The following SAMMSON variants were observed in gnomAD, a reference collection of about 807,000 sequenced individuals.
The protein encoded by SAMMSON is long intergenic non-protein coding RNA 1212.
rs534136299 is a variant in SAMMSON, at chr3:70,190,977, C to T, written n.508-58130C>T. ...TTTCAGGGACTGGCCCCTAGTATTG[C>T]CAACTACACAGCAGTAATTGGACAC... On this transcript the variant is annotated intron_variant and non_coding_transcript_variant, in intron 4 of 9. Coordinates refer to ENST00000642114, the Ensembl canonical transcript of SAMMSON. Among the ~76,000 whole-genome samples the T allele has an allele frequency of 2.0e-5, 3 of 152,298 alleles. No homozygotes were observed. The South Asian group carries it at 6.2e-4, about 32-fold the overall frequency.
intron 3 of SAMMSON, among the ~76,000 whole-genome samples, chr3:70,055,283 A>C (rs1057487391): frequency 6.6e-6 from 1 of 152,150 alleles, no homozygotes; most frequent in African/African-American, 2.4e-5. Context: ...ATAATAAAGA[A>C]TTTTAAAAAA....
At chr3:70,023,477 T>A (rs2067024319) in intron 3 of SAMMSON, among the ~76,000 whole-genome samples, 1 of 151,860 alleles carries the variant, frequency 6.6e-6, no homozygotes, top group African/African-American at 2.4e-5. Flanking sequence ...AAAAAAAGTT[T>A]CTTTATTTCT....
intron 7 of SAMMSON, among the ~76,000 whole-genome samples, chr3:70,314,586 A>T (rs756509525): frequency 6.6e-6 from 1 of 152,150 alleles, no homozygotes; most frequent in Non-Finnish European, 1.5e-5. Flanking sequence ...TAAGGCAAAA[A>T]TATCTAGATG....
At chr3:70,288,763 T>A (rs1702195237) in intron 6 of SAMMSON, among the ~76,000 whole-genome samples, 1 of 151,924 alleles carries the variant, frequency 6.6e-6, no homozygotes, top group Admixed American at 6.6e-5. Flanking sequence ...TGCATATATA[T>A]TTAGGATAGT....
rs563626405 is a variant in SAMMSON, at chr3:70,294,283, C to T, written n.739+3040C>T. On this transcript the variant is annotated intron_variant and non_coding_transcript_variant, in intron 7 of 9. Coordinates refer to ENST00000642114, the Ensembl canonical transcript of SAMMSON. ...TCTTTATAAAACATTTTCTTTTTTGCTAATGAAACCTGTTCACCCTAGGTC... is the reference window on the plus strand; with the variant it reads ...TCTTTATAAAACATTTTCTTTTTTGTTAATGAAACCTGTTCACCCTAGGTC... Among the ~76,000 whole-genome samples the T allele has an allele frequency of 9.2e-5, 14 of 151,968 alleles. No individual in the cohort carries two copies. In the South Asian group the frequency reaches 2.7e-3, roughly 29 times the overall value.
At chr3:70,087,896 G>A (rs1426790231) in intron 4 of SAMMSON, among the ~76,000 whole-genome samples, 1 of 152,124 alleles carries the variant, frequency 6.6e-6, no homozygotes, top group East Asian at 1.9e-4. Context: ...AGGGATGTAT[G>A]GATGAGTTAT....
intron 2 of SAMMSON, among the ~76,000 whole-genome samples, chr3:70,406,342 T>C (rs2106765835): frequency 6.6e-6 from 1 of 152,288 alleles, no homozygotes; most frequent in African/African-American, 2.4e-5. Context: ...AAATATTCTT[T>C]ACAAAATGAA....
chr3:70,047,876 C>CAA (rs2067132606), intron 3 of SAMMSON, among the ~76,000 whole-genome samples: 1 of 152,038 alleles, frequency 6.6e-6, no homozygotes, highest in Non-Finnish European at 1.5e-5. Flanking sequence ...TCTGCTCTTG[C>CAA]AAACCATTTT....
At chr3:70,101,152 G>A (rs552119795) in intron 4 of SAMMSON, among the ~76,000 whole-genome samples, 1 of 150,748 alleles carries the variant, frequency 6.6e-6, no homozygotes, top group African/African-American at 2.4e-5. Flanking sequence ...TACAACTGCT[G>A]TTAATGACAA....
At chr3:70,329,334 A>G (rs1702603554) in intron 7 of SAMMSON, among the ~76,000 whole-genome samples, 1 of 152,078 alleles carries the variant, frequency 6.6e-6, no homozygotes, top group African/African-American at 2.4e-5. Flanking sequence ...CTGTGAGACA[A>G]TTATTGGCAA....
chr3:70,011,944 G>A (rs934510856), intron 1 of SAMMSON, among the ~76,000 whole-genome samples: 1 of 152,042 alleles, frequency 6.6e-6, no homozygotes, highest in Non-Finnish European at 1.5e-5. Flanking sequence ...CCAGAGATGA[G>A]TGCATCTGAC....
chr3:70,393,272 G>A (rs979922185), downstream of SAMMSON, among the ~76,000 whole-genome samples: 4 of 152,112 alleles, frequency 2.6e-5, no homozygotes, highest in Non-Finnish European at 4.4e-5. Flanking sequence ...CAATGTTTTT[G>A]CCTTTGGGCA....
chr3:70,280,698 C>T (rs1191152952), intron 6 of SAMMSON, among the ~76,000 whole-genome samples: 2 of 152,120 alleles, frequency 1.3e-5, no homozygotes, highest in East Asian at 1.9e-4. Flanking sequence ...CAAGGCAGGT[C>T]TCCAAAGCCA....
intron 7 of SAMMSON, among the ~76,000 whole-genome samples, chr3:70,314,001 A>G (rs1428055034): frequency 6.6e-6 from 1 of 152,098 alleles, no homozygotes; most frequent in Non-Finnish European, 1.5e-5. Flanking sequence ...TCTGTTATCA[A>G]TACTCCTAGA....
chr3:70,192,750 T>C (rs1701140537), intron 4 of SAMMSON, among the ~76,000 whole-genome samples: 1 of 152,198 alleles, frequency 6.6e-6, no homozygotes, highest in South Asian at 2.1e-4. Context: ...GTAGGTCACA[T>C]GTAATATTTG....
intron 4 of SAMMSON, among the ~76,000 whole-genome samples, chr3:70,134,563 T>A (rs2067498389): frequency 6.6e-6 from 1 of 152,184 alleles, no homozygotes; most frequent in South Asian, 2.1e-4. Context: ...TTAACTTGCA[T>A]GCTTTACATA....
chr3:70,402,662 G>C (rs1279782798), intron 2 of SAMMSON, among the ~76,000 whole-genome samples: 1 of 152,126 alleles, frequency 6.6e-6, no homozygotes, highest in Admixed American at 6.5e-5. Flanking sequence ...AGGAGTTCAA[G>C]ACCAGCCTGG....
chr3:70,067,454 A>C (rs932390246), intron 3 of SAMMSON, among the ~76,000 whole-genome samples: 1 of 152,062 alleles, frequency 6.6e-6, no homozygotes, highest in Non-Finnish European at 1.5e-5. Context: ...TTCATGATTC[A>C]TTGACTGTCA....
downstream of SAMMSON, among the ~76,000 whole-genome samples, chr3:70,393,690 G>T (rs984284418): frequency 6.6e-6 from 1 of 152,146 alleles, no homozygotes; most frequent in Admixed American, 6.6e-5. Context: ...ATGGCAAGGA[G>T]TTGGCCAGGC....
Sources: gnomAD v4.1 joint callset for allele counts (sites outside exome capture counted in the v4.1 genomes callset) on GRCh38, gnomAD v4.1.1 for gene constraint, MANE v1.5 for transcripts, NCBI Gene and HGNC (gene_info 2026-07-23, HGNC 2026-07-21) for gene names.